Variants in CTNNA2 observed in about 807,000 individuals in gnomAD.
CTNNA2 encodes the protein catenin alpha 2, also known as catenin alpha-2.
Under a neutral mutation model 101.0 loss-of-function variants are expected in CTNNA2, and 42 were observed. The ratio of observed to expected loss-of-function variants is 0.42; its 90% CI spans 0.32 to 0.54. CTNNA2 has a LOEUF of 0.54. CTNNA2 is among the 20% of genes least tolerant of loss of function. The pLI, the probability that CTNNA2 is intolerant of heterozygous loss-of-function variation, is 0.14. For missense variants in CTNNA2, 871 were observed against 1,223.1 expected (o/e 0.71, Z 4.29); for synonymous variants, 450 against 456.4 (o/e 0.99, Z 0.18).
At chr2:79,721,991 G>T (rs996257423) in intron 2 of CTNNA2, among the ~76,000 whole-genome samples, 2 of 152,152 alleles carry the variant, frequency 1.3e-5, no homozygotes, top group Admixed American at 1.3e-4. Context: ...AATGAAGCGT[G>T]TTTATAATAT....
At chr2:80,074,193 AG>A (rs1010870611) in intron 7 of CTNNA2, among the ~76,000 whole-genome samples, 3 of 152,186 alleles carry the variant, frequency 2.0e-5, no homozygotes, top group Non-Finnish European at 4.4e-5. Context: ...CTAAGCTTAT[AG>A]ATTGGTTTTA....
rs192684179 is a variant in CTNNA2 at position 79,941,688 on chromosome 2, G to A, written c.1056+31891G>A. On this transcript the variant is annotated intron_variant, in intron 7 of 18. Transcript: ENST00000402739. ...GGCTGAAGTGCAGTGACAAGATCTC[G>A]GCTCACTGCAACCTCCACCTCCCAA... Among the ~76,000 whole-genome samples, 477 of 151,924 alleles carry A rather than the reference G, an allele frequency of 3.1e-3. 3 individuals carry two copies. The highest frequency in any genetic ancestry group is 0.014 in the Middle Eastern group (4 of 294).
At chr2:80,616,068 T>C (rs1698827857) in intron 17 of CTNNA2, among the ~76,000 whole-genome samples, 1 of 151,738 alleles carries the variant, frequency 6.6e-6, no homozygotes, top group South Asian at 2.1e-4. Context: ...CCTTCATCTG[T>C]GCAGATGCCT....
intron 3 of CTNNA2, among the ~76,000 whole-genome samples, chr2:79,371,898 C>A (rs1038358738): frequency 1.3e-5 from 2 of 152,128 alleles, no homozygotes; most frequent in Non-Finnish European, 2.9e-5. Context: ...ACTGGGGACA[C>A]TTATAAGCAC....
intron 7 of CTNNA2, among the ~76,000 whole-genome samples, chr2:80,087,581 G>A (rs1371126327): frequency 6.6e-6 from 1 of 152,020 alleles, no homozygotes; most frequent in African/African-American, 2.4e-5. Context: ...TAGCCTGTGT[G>A]GGCTGCTCTC....
intron 7 of CTNNA2, among the ~76,000 whole-genome samples, chr2:79,996,469 G>A (rs1692553898): frequency 1.3e-5 from 2 of 152,314 alleles, no homozygotes; most frequent in South Asian, 4.1e-4. Context: ...GAAAAAAGAA[G>A]ATATGGGTTA....
At chr2:79,503,490 C>G (rs1457698693) in intron 4 of CTNNA2, among the ~76,000 whole-genome samples, 1 of 152,140 alleles carries the variant, frequency 6.6e-6, no homozygotes, top group Admixed American at 6.5e-5. Flanking sequence ...TGGTGTCACA[C>G]AATTCCCTGA....
intron 6 of CTNNA2, among the ~76,000 whole-genome samples, chr2:79,878,333 A>G (rs913340950): frequency 6.6e-6 from 1 of 152,174 alleles, no homozygotes; most frequent in African/African-American, 2.4e-5. Flanking sequence ...TATATACCCA[A>G]TAATGGGATT....
At position 79,619,525 on chromosome 2, in the gene CTNNA2, A is replaced by AT. The variant is rs570015691; in HGVS notation, c.-5-32021dup. Among the ~76,000 whole-genome samples, 70 of 152,218 alleles carry AT rather than the reference A, an allele frequency of 4.6e-4. 2 individuals carry two copies. The highest frequency in any genetic ancestry group is 1.5e-3 in the African/African-American group (64 of 41,536). On this transcript the variant is annotated intron_variant, in intron 1 of 18. Transcript: ENST00000402739. ...TTACTTTGCTATTTTTGAAACGGTG[A>AT]TTTTTTACTTTATACCTTGAGTTGT... is the stretch of plus-strand genomic sequence containing the variant.
intron 4 of CTNNA2, among the ~76,000 whole-genome samples, chr2:79,868,461 T>C (rs1474808677): frequency 6.6e-6 from 1 of 152,216 alleles, no homozygotes; most frequent in African/African-American, 2.4e-5. Context: ...TTATTACTGG[T>C]TTAGATACGT....
Position 80,589,315 on chromosome 2 carries a change from G to T in CTNNA2, c.2019G>T (p.Ala673=). The change falls in exon 15 of 19, where the codon GCG becomes GCT. Residue 673 remains alanine (A), a synonymous_variant. Transcript: ENST00000402739. The part of the protein sequence containing the change: ...IAGQSARAIM[A]QLPQEEKAKI... Reference sequence around the variant, plus strand: ...TGTAACCCACGCAGGCCATCATGGCGCAACTACCGCAGGAGGAGAAGGCAA... The same window carrying T: ...TGTAACCCACGCAGGCCATCATGGCTCAACTACCGCAGGAGGAGAAGGCAA... The T allele has an allele frequency of 5.6e-6, 9 of 1,613,988 alleles. No individual in the cohort carries two copies. Among genetic ancestry groups the T allele is most frequent in the Non-Finnish European group, 6.8e-6 (8 of 1,179,924 alleles).
At chr2:79,606,484 G>T (rs1173693478) in intron 1 of CTNNA2, among the ~76,000 whole-genome samples, 1 of 152,078 alleles carries the variant, frequency 6.6e-6, no homozygotes, top group Non-Finnish European at 1.5e-5. Flanking sequence ...TAGCCAAGAT[G>T]GTCTCCACCT....
At chr2:80,417,412 A>G (rs911793452) in intron 8 of CTNNA2, among the ~76,000 whole-genome samples, 3 of 151,664 alleles carry the variant, frequency 2.0e-5, no homozygotes, top group Admixed American at 2.0e-4. Flanking sequence ...TTCTTTATTC[A>G]TGGACCCCCT....
intron 9 of CTNNA2, among the ~76,000 whole-genome samples, chr2:80,458,170 T>A (rs893303643): frequency 6.6e-6 from 1 of 150,454 alleles, no homozygotes. Flanking sequence ...AAACCTTCGA[T>A]TTTTTTTTAG....
At chr2:80,147,163 A>C (rs914425678) in intron 7 of CTNNA2, among the ~76,000 whole-genome samples, 2 of 151,870 alleles carry the variant, frequency 1.3e-5, no homozygotes, top group African/African-American at 4.8e-5. Context: ...ATGGGATTTC[A>C]CTATGTTGGT....
chr2:80,147,629 C>T (rs949259932), intron 7 of CTNNA2, among the ~76,000 whole-genome samples: 3 of 152,160 alleles, frequency 2.0e-5, no homozygotes, highest in Non-Finnish European at 4.4e-5. Context: ...TGTTGAGATG[C>T]TGTATATGCT....
chr2:79,234,276 A>C (rs980087772), intron 2 of CTNNA2, among the ~76,000 whole-genome samples: 1 of 151,782 alleles, frequency 6.6e-6, no homozygotes, highest in South Asian at 2.1e-4. Flanking sequence ...AAGGATTTTT[A>C]TTTCTCTTTC....
At chr2:79,324,711 T>C (rs971560051) in intron 3 of CTNNA2, among the ~76,000 whole-genome samples, 4 of 150,956 alleles carry the variant, frequency 2.6e-5, no homozygotes, top group African/African-American at 9.8e-5. Context: ...AGGCCCAGAG[T>C]GCACACACAC....
At chr2:79,412,305 A>T (rs1337175259) in intron 4 of CTNNA2, among the ~76,000 whole-genome samples, 3 of 152,246 alleles carry the variant, frequency 2.0e-5, no homozygotes, top group South Asian at 4.1e-4. Context: ...GGGAGACTTT[A>T]ACACCCCACT....
Sources: gnomAD v4.1 joint callset for allele counts (sites outside exome capture counted in the v4.1 genomes callset) on GRCh38, gnomAD v4.1.1 for gene constraint, MANE v1.5 for transcripts, NCBI Gene and HGNC (gene_info 2026-07-23, HGNC 2026-07-21) for gene names.